PHF12: variants seen among roughly 807,000 people sequenced by gnomAD.
PHF12 encodes the protein PHD factor 1.
PHF12 carries 6 observed loss-of-function variants against 99.8 expected under a neutral mutation model. That is an observed-to-expected ratio of 0.06 (90% CI 0.03 to 0.12). The LOEUF is 0.12. Ranked by LOEUF, PHF12 falls within the 10% of genes least tolerant of loss-of-function variation. The probability of loss-of-function intolerance (pLI) is 1.00; values close to 1 mark genes in which losing one functional copy is unlikely to be tolerated. For missense variants in PHF12, 954 were observed against 1,300.1 expected (o/e 0.73, Z 4.09); for synonymous variants, 480 against 514.9 (o/e 0.93, Z 0.92).
intron 13 of PHF12, 84 bp from the exon 14 acceptor site, chr17:28,907,078 C>A (rs1276135123): frequency 6.9e-7 from 1 of 1,451,904 alleles, no homozygotes; most frequent in East Asian, 2.4e-5. Context: ...TGGAGAAGGC[C>A]GTGCTACTCT....
intron 2 of PHF12, among the ~76,000 whole-genome samples, chr17:28,940,834 G>C (rs189199164): frequency 6.6e-6 from 1 of 152,262 alleles, no homozygotes; most frequent in Admixed American, 6.5e-5. Flanking sequence ...TTTGGTCTAG[G>C]ACTTGCACTG....
chr17:28,941,187 C>A (rs1567970527), intron 2 of PHF12, among the ~76,000 whole-genome samples: 1 of 152,208 alleles, frequency 6.6e-6, no homozygotes, highest in South Asian at 2.1e-4. Flanking sequence ...TACTTAACTG[C>A]ATACCCAAGG....
At chr17:28,930,246 G>A (rs1045036895) in intron 2 of PHF12, among the ~76,000 whole-genome samples, 2 of 152,164 alleles carry the variant, frequency 1.3e-5, no homozygotes, top group East Asian at 3.8e-4. Context: ...CTCAAGTCAC[G>A]TATTCTTTCC....
chr17:28,925,110 G>C (rs1357015570), intron 3 of PHF12: 1 of 152,236 alleles, frequency 6.6e-6, no homozygotes, highest in African/African-American at 2.4e-5. Flanking sequence ...ATATCTGATA[G>C]TACATTTTCC....
intron 2 of PHF12, among the ~76,000 whole-genome samples, chr17:28,935,563 C>A (rs1179845633): frequency 6.6e-6 from 1 of 152,208 alleles, no homozygotes; most frequent in East Asian, 1.9e-4. Context: ...TGAGCCACCA[C>A]TCCTGGCCCC....
intron 9 of PHF12, chr17:28,911,463 C>T: frequency 1.3e-5 from 7 of 526,072 alleles, no homozygotes; most frequent in Non-Finnish European, 2.0e-5. Context: ...CACTGAGAAC[C>T]ACTGAAATCC....
intron 4 of PHF12, among the ~76,000 whole-genome samples, chr17:28,922,101 G>C (rs918700101): frequency 2.6e-5 from 4 of 152,146 alleles, no homozygotes; most frequent in Non-Finnish European, 4.4e-5. Flanking sequence ...TTAGATACAG[G>C]CAACCTAAGA....
intron 11 of PHF12, chr17:28,909,165 G>A (rs1057327816): frequency 3.2e-5 from 13 of 404,320 alleles, no homozygotes; most frequent in Admixed American, 7.5e-5. Context: ...TGGCTAATCC[G>A]GGATATTCCA....
Position 28,914,000 on chromosome 17 carries a change from G to C in PHF12, c.1172C>G (p.Pro391Arg). ...DAIKSQYQFP[P>R]PLIAPAAIRD... ...AATGGCCGCGGGTGCAATGAGAGGG[G>C]GTGGAAACTGGTACTGAGATTTTAT... Residue 391 changes from proline (P) to arginine (R), a missense_variant, in exon 8 of 15, where the codon CCC becomes CGC. Physicochemically the swap from Pro to Arg is moderately radical, Grantham distance 103. Coordinates refer to ENST00000332830, the MANE Select transcript of PHF12 (RefSeq NM_001033561.2). 2 of 1,613,328 alleles carry C rather than the reference G, an allele frequency of 1.2e-6. No homozygotes were observed. Among genetic ancestry groups the C allele is most frequent in the Non-Finnish European group, 1.7e-6 (2 of 1,179,368 alleles).
intron 3 of PHF12, chr17:28,926,437 G>A: frequency 4.4e-6 from 1 of 228,104 alleles, no homozygotes; most frequent in Non-Finnish European, 9.0e-6. Flanking sequence ...TTTTTAATAA[G>A]GGAGAATTTA....
At chr17:28,926,747 C>A (rs1332713143) in intron 3 of PHF12, 1 of 1,458,522 alleles carries the variant, frequency 6.9e-7, no homozygotes, top group African/African-American at 1.4e-5. Context: ...ACTCCTGTCA[C>A]TAGTGACTAA....
At chr17:28,926,332 G>A (rs551011673) in intron 3 of PHF12, 108 of 182,344 alleles carry the variant, frequency 5.9e-4, no homozygotes, top group African/African-American at 2.2e-3. Context: ...GGAGCACAGG[G>A]GGGTGGATTA....
chr17:28,919,200 C>T lies in PHF12; in HGVS notation c.912G>A (p.Pro304=), dbSNP rs775564309. 54 of 1,614,032 alleles carry T rather than the reference C, an allele frequency of 3.3e-5. No homozygotes were observed. The highest frequency in any genetic ancestry group is 1.1e-4 in the South Asian group (10 of 91,086). The change falls in exon 6 of 15, where the codon CCG becomes CCA. Residue 304 remains proline, a synonymous_variant. Coordinates refer to ENST00000332830, the MANE Select transcript of PHF12 (RefSeq NM_001033561.2). ...ATCTGCCCAGGGGCATGGCAGTGAG[C>T]GGCGGCTCGAGGCAATCCATGTGAA... The part of the protein sequence containing the change: ...LLFHMDCLEP[P]LTAMPLGRWM...
intron 2 of PHF12, among the ~76,000 whole-genome samples, chr17:28,942,314 G>C (rs1313793540): frequency 6.6e-6 from 1 of 151,602 alleles, no homozygotes; most frequent in Non-Finnish European, 1.5e-5. Flanking sequence ...CAGGACAGGA[G>C]TTCGAGAACA....
chr17:28,907,296 G>A (rs991743165), intron 13 of PHF12: 11 of 520,244 alleles, frequency 2.1e-5, no homozygotes, highest in Non-Finnish European at 3.8e-5. Flanking sequence ...ACACCCACAA[G>A]GCTTGGCTTC....
rs548755084 is a variant in PHF12, at chr17:28,907,281, G to A, written c.2542-287C>T. 4.8e-4 allele frequency: 248 copies of A among 517,574 alleles called. 1 individual carries two copies. Among genetic ancestry groups the A allele is most frequent in the Non-Finnish European group, 7.7e-4 (224 of 290,392 alleles). The allele number at this position is 517,574 out of a possible 1,614,324, so 32.1% of individuals were successfully genotyped here. On this transcript the variant is annotated intron_variant, in intron 13 of 14. Transcript: ENST00000332830. ...GCCCGTGATGATAATGAAATTCACA[G>A]GGACACACCCACAAGGCTTGGCTTC...
chr17:28,907,753 G>T, intron 12 of PHF12, 81 bp from the exon 13 acceptor site: 1 of 1,366,528 alleles, frequency 7.3e-7, no homozygotes, highest in Non-Finnish European at 1.0e-6. Flanking sequence ...AAGACAGGGA[G>T]AGAGTTAGCT....
At chr17:28,937,208 A>G (rs1019676192) in intron 2 of PHF12, among the ~76,000 whole-genome samples, 1 of 152,240 alleles carries the variant, frequency 6.6e-6, no homozygotes, top group Non-Finnish European at 1.5e-5. Flanking sequence ...ACATTTAATG[A>G]AATGTAAATG....
intron 9 of PHF12, 29 bp downstream of exon 9, chr17:28,912,452 CA>C: frequency 6.5e-7 from 1 of 1,534,178 alleles, no homozygotes; most frequent in Admixed American, 2.1e-5. Flanking sequence ...AAAATTATTC[CA>C]AATCAACCCA....
Sources: allele counts gnomAD v4.1 joint callset (sites outside exome capture counted in the v4.1 genomes callset), GRCh38; gene constraint gnomAD v4.1.1; transcripts MANE v1.5; gene names NCBI Gene and HGNC (gene_info 2026-07-23, HGNC 2026-07-21).